The following SPEG variants were observed in gnomAD, a reference collection of about 807,000 sequenced individuals.
SPEG encodes the protein striated muscle preferentially expressed protein kinase.
A neutral mutation model predicts 300.4 loss-of-function variants in SPEG; 114 were observed. The observed-to-expected ratio is 0.38, with a 90% CI of 0.33 to 0.44. SPEG has a LOEUF of 0.44. SPEG is among the 20% of genes least tolerant of loss of function. SPEG has a pLI of 1.00. For missense variants in SPEG, 4,201 were observed against 4,586.2 expected, an observed-to-expected ratio of 0.92 and a Z score of 2.43; for synonymous variants, 1,964 against 2,018.9, an observed-to-expected ratio of 0.97 and a Z score of 0.73.
intron 1 of SPEG, among the ~76,000 whole-genome samples, chr2:219,438,228 A>G (rs1575028808): frequency 6.6e-6 from 1 of 152,198 alleles, no homozygotes. Context: ...TAGAATCCTT[A>G]ACATGCGTAA....
intron 30 of SPEG, 41 bp downstream of exon 30, chr2:219,485,113 G>A (rs1007995371): frequency 4.6e-6 from 7 of 1,523,982 alleles, no homozygotes; most frequent in Non-Finnish European, 6.1e-6. Context: ...GCAGAGGAGG[G>A]TGGGGTGCGC....
At chr2:219,461,781 G>C in intron 6 of SPEG, 101 bp from the exon 7 acceptor site, 1 of 1,268,294 alleles carries the variant, frequency 7.9e-7, no homozygotes, top group Non-Finnish European at 1.1e-6. Context: ...CCGGCCTGCG[G>C]GGAGCTGCCG....
intron 31 of SPEG, 53 bp downstream of exon 31, chr2:219,485,530 C>A (rs1559425881): frequency 5.4e-6 from 8 of 1,488,706 alleles, no homozygotes; most frequent in East Asian, 2.5e-5. Context: ...CCCTCCCCTA[C>A]CCCCATCAGG....
Position 219,481,742 on chromosome 2 carries a change from C to A in SPEG, c.5565+62C>A. 6.8e-7 allele frequency: 1 copy of A among 1,473,386 alleles called. No individual in the cohort carries two copies. Among genetic ancestry groups the A allele is most frequent in the Non-Finnish European group, 9.5e-7 (1 of 1,052,722 alleles). The allele number at this position is 1,473,386 out of a possible 1,614,324, so 91.3% of individuals were successfully genotyped here. On this transcript the variant is annotated intron_variant, in intron 28 of 40. Coordinates refer to ENST00000312358, the MANE Select transcript of SPEG (RefSeq NM_005876.5). The surrounding 1 kb of genome is among the most constrained non-coding windows in gnomAD (Gnocchi z 5.4). ...GAGGGAGAGAGAATGTTACTAACAGCTCTATTTATTGAGTACCTACTGTGT... is the reference window on the plus strand; with the variant it reads ...GAGGGAGAGAGAATGTTACTAACAGATCTATTTATTGAGTACCTACTGTGT...
chr2:219,461,175 A>G (rs1690654836), intron 6 of SPEG: 3 of 972,888 alleles, frequency 3.1e-6, no homozygotes, highest in African/African-American at 3.5e-5. Context: ...CCCTCCCCCA[A>G]GGCTGACTCT....
rs892246110 is a variant in SPEG, at chr2:219,465,609, C to T, written c.2881+1001C>T. 2.9e-5 allele frequency: 7 copies of T among 244,016 alleles called. No homozygotes were observed. The Admixed American group carries it at 3.7e-4, about 13-fold the overall frequency. 15.1% of individuals were successfully genotyped at this position (244,016 alleles called of 1,614,324 possible). On this transcript the variant is annotated intron_variant, in intron 9 of 40. Coordinates refer to ENST00000312358, the MANE Select transcript of SPEG (RefSeq NM_005876.5). ...CGACACCCCCAGGCTTTGGGGTGCT[C>T]CTGATCCCATGAATGCCTGGTTGCC...
chr2:219,472,588 G>A (rs922117369), intron 15 of SPEG, among the ~76,000 whole-genome samples: 1 of 152,146 alleles, frequency 6.6e-6, no homozygotes, highest in Non-Finnish European at 1.5e-5. Context: ...ACTTGCAAAT[G>A]CCCTCTCCTC....
At chr2:219,472,455 G>T (rs1691969823) in intron 15 of SPEG, 124 bp downstream of exon 15, 1 of 817,544 alleles carries the variant, frequency 1.2e-6, no homozygotes, top group Non-Finnish European at 2.0e-6. Context: ...ATGGAATGCT[G>T]GTGGGACCAG....
intron 1 of SPEG, chr2:219,442,180 G>T: frequency 1.2e-6 from 1 of 817,110 alleles, no homozygotes; most frequent in Non-Finnish European, 1.6e-6. Context: ...CGGTGGAGGG[G>T]GCGCTGGATC....
chr2:219,447,211 T>C (rs371818744), intron 3 of SPEG, among the ~76,000 whole-genome samples: 2,666 of 15,042 alleles, frequency 0.18, 91 homozygotes, highest in African/African-American at 0.22. Context: ...AGCATATCCC[T>C]GTGGGGGGGG....
At chr2:219,476,528 G>A (rs891102852) in intron 18 of SPEG, among the ~76,000 whole-genome samples, 2 of 152,198 alleles carry the variant, frequency 1.3e-5, no homozygotes, top group African/African-American at 4.8e-5. Flanking sequence ...TTTCAAGAGA[G>A]GCAGGAAATC....
rs569504731 is a variant in SPEG at position 219,448,305 on chromosome 2, C to T, written c.1147C>T (p.Arg383Cys). Reference sequence around the variant, plus strand: ...GACGCCACTGAGCGAGGCCTCAGGCCGCCTGTCGGCGTTGGGCCGATCGCC... The same window carrying T: ...GACGCCACTGAGCGAGGCCTCAGGCTGCCTGTCGGCGTTGGGCCGATCGCC... ...PQTPLSEASGRLSALGRSPRL... is the reference protein window; with the variant it reads ...PQTPLSEASGCLSALGRSPRL... Residue 383 changes from arginine (R) to cysteine (C), a missense_variant, in exon 4 of 41, where the codon CGC becomes TGC. Transcript: ENST00000312358. The T allele has an allele frequency of 1.7e-5, 28 of 1,607,752 alleles. No homozygotes were observed. The East Asian group carries it at 4.9e-4, about 28-fold the overall frequency.
At chr2:219,472,399 C>A in intron 15 of SPEG, 68 bp downstream of exon 15, 3 of 1,371,566 alleles carry the variant, frequency 2.2e-6, no homozygotes, top group Non-Finnish European at 3.1e-6. Context: ...AGGCAGGACA[C>A]CATGGGGGCC....
At position 219,451,933 on chromosome 2, in the gene SPEG, C is replaced by G; in HGVS notation, c.2440+126C>G. ...TGGGCACCCCGCCAGCATACTTAGT[C>G]CATGCAGTCCCTTCTGGGTGTCGGC... On this transcript the variant is annotated intron_variant, in intron 6 of 40. Transcript: ENST00000312358. This position sits in a 1 kb window ranked among gnomAD's most constrained non-coding sequence, Gnocchi z 6.4. The G allele has an allele frequency of 1.0e-6, 1 of 968,142 alleles. No homozygotes were observed. Among genetic ancestry groups the G allele is most frequent in the South Asian group, 1.9e-5 (1 of 52,006 alleles). 60.0% of individuals were successfully genotyped at this position (968,142 alleles called of 1,614,324 possible).
At position 219,483,669 on chromosome 2, in the gene SPEG, C is replaced by A; in HGVS notation, c.6206C>A (p.Ala2069Asp). Residue 2069 changes from alanine (A) to aspartate (D), a missense_variant, in exon 30 of 41, where the codon GCC (alanine) becomes GAC (aspartate). By Grantham distance (126) the Ala-to-Asp change is moderately radical. Coordinates refer to ENST00000312358, the MANE Select transcript of SPEG (RefSeq NM_005876.5). ...GGCGAGTATGCCCAGAGGCTGCAGG[C>A]CCTGCGCCAGCGGCTGCTGCGGGGA... ...GEGEYAQRLQALRQRLLRGGP... is the reference protein window; with the variant it reads ...GEGEYAQRLQDLRQRLLRGGP... 2 of 1,534,084 alleles carry A rather than the reference C, an allele frequency of 1.3e-6. No individual in the cohort carries two copies. The highest frequency in any genetic ancestry group is 2.5e-5 in the East Asian group (1 of 40,772).
intron 32 of SPEG, 27 bp downstream of exon 32, chr2:219,488,337 A>G: frequency 6.4e-7 from 1 of 1,564,044 alleles, no homozygotes. Context: ...TCCCACAGAG[A>G]GGGAGGCCAG....
In SPEG at chr2:219,465,880, CGTGTGCATGT is replaced by C; in HGVS notation, c.2881+1276_2882-1281del. On this transcript the variant is annotated intron_variant, in intron 9 of 40. Coordinates refer to ENST00000312358, the MANE Select transcript of SPEG (RefSeq NM_005876.5). ...GTGCATGTGTGTGCGTGTGTGCGTG[CGTGTGCATGT>C]GTGCGTATGGGTGTGTGCATGCGTG... 3 of 628,844 alleles carry C rather than the reference CGTGTGCATGT, an allele frequency of 4.8e-6. No individual in the cohort carries two copies. In the South Asian group the frequency reaches 5.5e-5, roughly 12 times the overall value. 39.0% of individuals were successfully genotyped at this position (628,844 alleles called of 1,614,324 possible).
At chr2:219,446,170 C>T (rs1689274442) in intron 3 of SPEG, among the ~76,000 whole-genome samples, 1 of 151,940 alleles carries the variant, frequency 6.6e-6, no homozygotes, top group Non-Finnish European at 1.5e-5. Flanking sequence ...AGGGCTGGGC[C>T]ACGGCCAGGG....
chr2:219,443,548 A>C lies in SPEG; in HGVS notation c.389-1105A>C. On this transcript the variant is annotated intron_variant, in intron 1 of 40. Transcript: ENST00000312358. The surrounding 1 kb of genome is among the most constrained non-coding windows in gnomAD (Gnocchi z 4.6). ...CCCAGGAACCTTTTCTCCTAACCTA[A>C]CCACTGGGCATTTTTGAGGACGATT... 3.4e-6 allele frequency: 1 copy of C among 290,968 alleles called. No homozygotes were observed. The highest frequency in any genetic ancestry group is 6.7e-6 in the Non-Finnish European group (1 of 149,710). 18.0% of individuals were successfully genotyped at this position (290,968 alleles called of 1,614,324 possible).
Sources: allele counts gnomAD v4.1 joint callset (sites outside exome capture counted in the v4.1 genomes callset), GRCh38; gene constraint gnomAD v4.1.1; non-coding constraint Gnocchi (gnomAD v3.1); transcripts MANE v1.5; gene names NCBI Gene and HGNC (gene_info 2026-07-23, HGNC 2026-07-21).